Variants in COMMD1 observed in about 807,000 individuals in gnomAD.
The protein encoded by COMMD1 is COMM domain-containing protein 1.
In COMMD1, 10 loss-of-function variants were observed where a neutral mutation model predicts 17.2. The observed-to-expected ratio is 0.58, with a 90% confidence interval of 0.36 to 0.99. COMMD1 has a LOEUF of 0.99. Among genes scored for constraint, COMMD1 ranks in the 50% least tolerant of loss-of-function variants. The pLI is 0.01. For missense variants in COMMD1, 270 were observed against 231.8 expected (o/e 1.17, Z -1.07); for synonymous variants, 97 against 91.6 (o/e 1.06, Z -0.34).
chr2:61,988,970 C>CCCAA (rs953887564), intron 1 of COMMD1, among the ~76,000 whole-genome samples: 1 of 152,178 alleles, frequency 6.6e-6, no homozygotes, highest in African/African-American at 2.4e-5. Context: ...CTCTCCCTCT[C>CCCAA]CCAAACACAC....
intron 2 of COMMD1, among the ~76,000 whole-genome samples, chr2:62,013,036 A>G (rs914041786): frequency 1.3e-5 from 2 of 152,132 alleles, no homozygotes; most frequent in African/African-American, 4.8e-5. Flanking sequence ...ATGGGAAGCC[A>G]TTAGAGGGTT....
chr2:61,963,505 G>A (rs975650990), intron 1 of COMMD1, among the ~76,000 whole-genome samples: 10 of 151,944 alleles, frequency 6.6e-5, no homozygotes, highest in East Asian at 1.9e-4. Flanking sequence ...CACCATGCTC[G>A]GCTAATTTTT....
upstream of COMMD1, chr2:61,888,638 G>C: frequency 9.3e-7 from 1 of 1,072,130 alleles, no homozygotes; most frequent in Non-Finnish European, 1.3e-6. Flanking sequence ...GGCGTCGGGA[G>C]GAGGCGGAGG....
At chr2:61,998,894 CAATT>C (rs1668843449) in intron 1 of COMMD1, among the ~76,000 whole-genome samples, 2 of 152,266 alleles carry the variant, frequency 1.3e-5, no homozygotes, top group South Asian at 4.1e-4. Context: ...AGACATTTAT[CAATT>C]AGTTAGTTTA....
At chr2:61,888,741 C>T in exon 1 of COMMD1, 1 of 546,254 alleles carries the variant, frequency 1.8e-6, no homozygotes, top group South Asian at 2.3e-5. Context: ...GCGGTGGGCT[C>T]CGGGCTGGCG....
chr2:61,903,328 C>G (rs1669698967), upstream of COMMD1, among the ~76,000 whole-genome samples: 1 of 151,700 alleles, frequency 6.6e-6, no homozygotes, highest in Non-Finnish European at 1.5e-5. Flanking sequence ...CCTATAATCC[C>G]AGCTACTTGG....
intron 2 of COMMD1, among the ~76,000 whole-genome samples, chr2:62,060,302 G>A (rs1034827325): frequency 1.3e-5 from 2 of 152,114 alleles, no homozygotes; most frequent in Non-Finnish European, 2.9e-5. Context: ...CTGCATTCTA[G>A]CCTGGGTGAC....
intron 1 of COMMD1, among the ~76,000 whole-genome samples, chr2:61,932,180 C>T (rs892686908): frequency 6.6e-6 from 1 of 152,200 alleles, no homozygotes; most frequent in Non-Finnish European, 1.5e-5. Flanking sequence ...TCTCTGCTTA[C>T]ATTCTTAATT....
At chr2:61,983,488 C>A (rs1672014873) in intron 1 of COMMD1, among the ~76,000 whole-genome samples, 1 of 152,002 alleles carries the variant, frequency 6.6e-6, no homozygotes, top group Non-Finnish European at 1.5e-5. Context: ...CTGCTCCCGG[C>A]CTATAATGGC....
intron 2 of COMMD1, among the ~76,000 whole-genome samples, chr2:62,048,322 A>G (rs1046988113): frequency 5.9e-5 from 9 of 151,430 alleles, no homozygotes; most frequent in Non-Finnish European, 1.0e-4. Flanking sequence ...AGCTGGGACT[A>G]TAGGCGCCCG....
At chr2:62,007,104 ACT>A (rs1669143371) in intron 2 of COMMD1, among the ~76,000 whole-genome samples, 1 of 151,614 alleles carries the variant, frequency 6.6e-6, no homozygotes, top group South Asian at 2.1e-4. Flanking sequence ...AAAATATAAA[ACT>A]CTTTTCTTTG....
intron 2 of COMMD1, among the ~76,000 whole-genome samples, chr2:62,042,350 A>G (rs1403969401): frequency 6.6e-6 from 1 of 152,096 alleles, no homozygotes; most frequent in Non-Finnish European, 1.5e-5. Flanking sequence ...TGCATTTACA[A>G]TTCTTTAGCT....
chr2:61,935,355 G>C (rs539722273), intron 1 of COMMD1, among the ~76,000 whole-genome samples: 3 of 152,208 alleles, frequency 2.0e-5, no homozygotes, highest in African/African-American at 7.2e-5. Context: ...CTGGCTGGAC[G>C]TGGTGGCTAA....
At chr2:62,115,226 T>C (rs1486624127) in intron 2 of COMMD1, among the ~76,000 whole-genome samples, 6 of 152,242 alleles carry the variant, frequency 3.9e-5, no homozygotes, top group African/African-American at 1.4e-4. Context: ...TTTAGATTTC[T>C]GTTTATGTCT....
intron 2 of COMMD1, among the ~76,000 whole-genome samples, chr2:62,120,479 G>A (rs547338891): frequency 6.6e-6 from 1 of 152,032 alleles, no homozygotes; most frequent in South Asian, 2.1e-4. Context: ...TTTTTAATGT[G>A]CTAAGAGTTT....
At chr2:62,042,027 C>T (rs1243807174) in intron 2 of COMMD1, among the ~76,000 whole-genome samples, 6 of 152,218 alleles carry the variant, frequency 3.9e-5, no homozygotes, top group Non-Finnish European at 7.3e-5. Context: ...GCCCCACCCA[C>T]ATCCTACTGA....
intron 1 of COMMD1, among the ~76,000 whole-genome samples, chr2:61,952,463 G>A (rs552124422): frequency 6.6e-6 from 1 of 151,840 alleles, no homozygotes; most frequent in African/African-American, 2.4e-5. Flanking sequence ...AAACTTTCTG[G>A]CAACCGACTG....
intron 1 of COMMD1, among the ~76,000 whole-genome samples, chr2:61,997,335 A>C (rs1328451257): frequency 6.6e-6 from 1 of 151,890 alleles, no homozygotes; most frequent in African/African-American, 2.4e-5. Flanking sequence ...TGCTGAGATT[A>C]TAGGCTTGAG....
chr2:61,899,173 G>T (rs898867196), intron 1 of COMMD1, among the ~76,000 whole-genome samples: 1 of 152,116 alleles, frequency 6.6e-6, no homozygotes, highest in Non-Finnish European at 1.5e-5. Flanking sequence ...AAAAATAGGT[G>T]CAAGAAGGGA....
Sources: gnomAD v4.1 joint callset for allele counts (sites outside exome capture counted in the v4.1 genomes callset) on GRCh38, gnomAD v4.1.1 for gene constraint, MANE v1.5 for transcripts, NCBI Gene and HGNC (gene_info 2026-07-23, HGNC 2026-07-21) for gene names.